The following GALK2 variants were observed in gnomAD, a reference collection of about 807,000 sequenced individuals.
The protein encoded by GALK2 is galactokinase 2.
Under a neutral mutation model 52.4 loss-of-function variants are expected in GALK2, and 36 were observed. That is an observed-to-expected ratio of 0.69 (90% CI 0.53 to 0.91). The LOEUF (loss-of-function observed/expected upper bound fraction) is 0.91. Among genes scored for constraint, GALK2 ranks in the 40% least tolerant of loss-of-function variants. The pLI is 0.00. For synonymous variants in GALK2, 176 were observed against 199.1 expected (o/e 0.88, Z 0.98); for missense variants, 579 against 559.1 (o/e 1.04, Z -0.36).
At chr15:49,201,045 G>T (rs982786654) in intron 1 of GALK2, 117 bp from the exon 2 acceptor site, 5 of 483,370 alleles carry the variant, frequency 1.0e-5, no homozygotes, top group Non-Finnish European at 1.8e-5. Context: ...ATGGTGGCAG[G>T]CATATGGAGT....
chr15:49,203,845 T>G (rs2141318880), intron 2 of GALK2, among the ~76,000 whole-genome samples: 1 of 152,344 alleles, frequency 6.6e-6, no homozygotes, highest in African/African-American at 2.4e-5. Context: ...CCAGGCATGG[T>G]GGCTCACACT....
intron 1 of GALK2, among the ~76,000 whole-genome samples, chr15:49,192,865 G>A (rs2086873984): frequency 6.6e-6 from 1 of 152,002 alleles, no homozygotes; most frequent in South Asian, 2.1e-4. Flanking sequence ...GCCTAAGCTA[G>A]TCTCTAACTC....
At chr15:49,340,727 G>C (rs376251780) in intron 3 of GALK2, among the ~76,000 whole-genome samples, 2 of 152,204 alleles carry the variant, frequency 1.3e-5, no homozygotes. Context: ...TATTGACTAC[G>C]TTGATGTTTT....
At chr15:49,179,247 C>T (rs928946677) in intron 1 of GALK2, among the ~76,000 whole-genome samples, 1 of 151,808 alleles carries the variant, frequency 6.6e-6, no homozygotes. Flanking sequence ...CTTATAAAAC[C>T]CTCAAACAAA....
chr15:49,173,963 G>C (rs1272698130), intron 1 of GALK2, among the ~76,000 whole-genome samples: 3 of 152,156 alleles, frequency 2.0e-5, no homozygotes, highest in Middle Eastern at 3.4e-3. Flanking sequence ...GGCTGGTCTT[G>C]AACTCCTGAC....
intron 1 of GALK2, chr15:49,178,812 A>G (rs1159470901): frequency 4.9e-6 from 1 of 203,262 alleles, no homozygotes; most frequent in Non-Finnish European, 1.0e-5. Context: ...ATTTTCTTAT[A>G]TGAATAGAAG....
chr15:49,318,461 T>C (rs1252631602), intron 8 of GALK2, among the ~76,000 whole-genome samples: 2 of 152,180 alleles, frequency 1.3e-5, no homozygotes, highest in Non-Finnish European at 2.9e-5. Context: ...CATATAGTTT[T>C]GTAGGTTGTT....
intron 5 of GALK2, among the ~76,000 whole-genome samples, chr15:49,280,068 T>G (rs755420107): frequency 3.3e-5 from 5 of 152,158 alleles, no homozygotes; most frequent in Non-Finnish European, 7.4e-5. Flanking sequence ...TTACTATGTG[T>G]TCGGCATTAT....
intron 8 of GALK2, among the ~76,000 whole-genome samples, chr15:49,302,149 T>C (rs551226933): frequency 6.6e-6 from 1 of 152,272 alleles, no homozygotes; most frequent in Admixed American, 6.5e-5. Context: ...AATCCAGTAC[T>C]TTTTCTGCCA....
chr15:49,227,512 ATG>A lies in GALK2; in HGVS notation c.267-8335_267-8334del, dbSNP rs1212760741. On this transcript the variant is annotated intron_variant, in intron 3 of 9. Coordinates refer to ENST00000560031, the MANE Select transcript of GALK2 (RefSeq NM_002044.4). ...TTTCATTCTCTTACTTTCAATATATATGTGTTTTTTTCAGATGAAAAGAGGTT... is the reference window on the plus strand; with the variant it reads ...TTTCATTCTCTTACTTTCAATATATATGTTTTTTTCAGATGAAAAGAGGTT... Among the ~76,000 whole-genome samples the A allele has an allele frequency of 4.6e-5, 7 of 151,660 alleles. No homozygotes were observed. The South Asian group carries it at 1.0e-3, about 22-fold the overall frequency.
At chr15:49,156,818 C>T (rs916348883) in intron 1 of GALK2, 1 of 719,904 alleles carries the variant, frequency 1.4e-6, no homozygotes, top group East Asian at 4.6e-5. Flanking sequence ...AATCTTCCCT[C>T]CTGAAGACAA....
chr15:49,167,799 G>A (rs181129985), upstream of GALK2, among the ~76,000 whole-genome samples: 1 of 152,342 alleles, frequency 6.6e-6, no homozygotes, highest in East Asian at 1.9e-4. Flanking sequence ...TACGCAAAGT[G>A]CTTACTTAGC....
At chr15:49,272,541 G>A (rs145915954) in intron 5 of GALK2, among the ~76,000 whole-genome samples, 2 of 152,256 alleles carry the variant, frequency 1.3e-5, no homozygotes, top group African/African-American at 2.4e-5. Flanking sequence ...TCAATGCTGC[G>A]TGTGAAGACT....
rs147794087 is a variant in GALK2, at chr15:49,319,681, T to C, written c.1045T>C (p.Cys349Arg). ...AARVLQFKKI[C>R]EEAPENMVQL... ...GCGAGTGCTCCAGTTTAAGAAGATA[T>C]GTGAAGAAGCACCTGAAAACATGGT... Residue 349 changes from cysteine (C) to arginine (R), a missense_variant, in exon 9 of 10, where the codon TGT becomes CGT. By Grantham distance (180) the Cys-to-Arg change is radical (BLOSUM62 -3). Coordinates refer to ENST00000560031, the MANE Select transcript of GALK2 (RefSeq NM_002044.4). 4 of 1,614,058 alleles carry C rather than the reference T, an allele frequency of 2.5e-6. No homozygotes were observed. The highest frequency in any genetic ancestry group is 3.4e-6 in the Non-Finnish European group (4 of 1,180,018).
chr15:49,286,236 T>C (rs116527115), intron 7 of GALK2, among the ~76,000 whole-genome samples: 3,377 of 152,334 alleles, frequency 0.022, 98 homozygotes, highest in South Asian at 0.077. Context: ...TCTTGTTAAC[T>C]CTTATATCCC....
At chr15:49,279,006 A>T (rs1454336228) in intron 5 of GALK2, among the ~76,000 whole-genome samples, 1 of 152,126 alleles carries the variant, frequency 6.6e-6, no homozygotes, top group Non-Finnish European at 1.5e-5. Flanking sequence ...AAATCATCAG[A>T]TCTCCCGAGA....
intron 1 of GALK2, among the ~76,000 whole-genome samples, chr15:49,186,750 G>T (rs1253047532): frequency 1.3e-5 from 2 of 152,050 alleles, no homozygotes; most frequent in Non-Finnish European, 2.9e-5. Context: ...TGTTGGCCAG[G>T]ATGGTCTCAA....
intron 5 of GALK2, among the ~76,000 whole-genome samples, chr15:49,259,017 T>C (rs1301183746): frequency 6.6e-6 from 1 of 151,616 alleles, no homozygotes; most frequent in Non-Finnish European, 1.5e-5. Context: ...GTAAATTTGT[T>C]TGAGTTCACT....
chr15:49,233,086 A>G (rs1197805736), intron 3 of GALK2, among the ~76,000 whole-genome samples: 3 of 152,170 alleles, frequency 2.0e-5, no homozygotes, highest in African/African-American at 7.2e-5. Flanking sequence ...TTGCACTGCT[A>G]TAAAGAAATA....
Sources: gnomAD v4.1 joint callset for allele counts (sites outside exome capture counted in the v4.1 genomes callset) on GRCh38, gnomAD v4.1.1 for gene constraint, MANE v1.5 for transcripts, NCBI Gene and HGNC (gene_info 2026-07-23, HGNC 2026-07-21) for gene names.